The following ZNF521 variants were observed in gnomAD, a reference collection of about 807,000 sequenced individuals.
ZNF521 encodes the protein zinc finger protein 521, also known as LYST-interacting protein 3.
ZNF521 carries 14 observed loss-of-function variants against 105.5 expected under a neutral mutation model. The ratio of observed to expected loss-of-function variants is 0.13; its 90% CI spans 0.09 to 0.21. The LOEUF (loss-of-function observed/expected upper bound fraction) is 0.21. Among genes scored for constraint, ZNF521 ranks in the 10% least tolerant of loss-of-function variants. The pLI is 1.00. For missense variants in ZNF521, 1,233 were observed against 1,629.7 expected (o/e 0.76, Z 4.19); for synonymous variants, 635 against 606.0 (o/e 1.05, Z -0.70).
intron 3 of ZNF521, chr18:25,302,541 C>A (rs1411901737): frequency 2.0e-5 from 3 of 152,296 alleles, no homozygotes; most frequent in African/African-American, 7.2e-5. Flanking sequence ...GTTGGGTACA[C>A]AGAAGTTTCA....
intron 4 of ZNF521, among the ~76,000 whole-genome samples, chr18:25,205,248 G>C (rs2036061028): frequency 6.8e-6 from 1 of 146,252 alleles, no homozygotes; most frequent in Non-Finnish European, 1.5e-5. Context: ...ATACTATTTT[G>C]TTAGTTCCTA....
chr18:25,269,960 T>C (rs1461445997), intron 3 of ZNF521, among the ~76,000 whole-genome samples: 2 of 152,082 alleles, frequency 1.3e-5, no homozygotes, highest in African/African-American at 2.4e-5. Context: ...CTGAAGCAGA[T>C]GGAGACACAA....
intron 3 of ZNF521, among the ~76,000 whole-genome samples, chr18:25,251,334 G>C (rs916596544): frequency 4.6e-5 from 7 of 152,106 alleles, no homozygotes; most frequent in Admixed American, 3.9e-4. Context: ...ATACATTCCA[G>C]ATGAATAAAC....
intron 3 of ZNF521, among the ~76,000 whole-genome samples, chr18:25,306,182 T>C (rs1052013486): frequency 3.9e-5 from 6 of 152,226 alleles, no homozygotes; most frequent in African/African-American, 1.4e-4. Flanking sequence ...ATTTCTCCTT[T>C]AGAAGATTGG....
At chr18:25,295,544 G>A (rs1426659398) in intron 3 of ZNF521, among the ~76,000 whole-genome samples, 2 of 151,066 alleles carry the variant, frequency 1.3e-5, no homozygotes, top group Non-Finnish European at 2.9e-5. Flanking sequence ...TGATTATTAT[G>A]CATTGCATGC....
chr18:25,335,315 C>G (rs1383665245), intron 2 of ZNF521, among the ~76,000 whole-genome samples: 1 of 152,118 alleles, frequency 6.6e-6, no homozygotes, highest in Non-Finnish European at 1.5e-5. Context: ...ACCTGGAATA[C>G]GTAACTTAAG....
chr18:25,331,960 A>G (rs8090382), intron 2 of ZNF521, among the ~76,000 whole-genome samples: 127,904 of 148,914 alleles, frequency 0.86, 55,276 homozygotes, highest in African/African-American at 0.96. Context: ...GAAAGACAAG[A>G]ACAATTGGAT....
At chr18:25,251,124 G>A (rs2144848055) in intron 3 of ZNF521, among the ~76,000 whole-genome samples, 1 of 152,260 alleles carries the variant, frequency 6.6e-6, no homozygotes, top group African/African-American at 2.4e-5. Context: ...TTAATTCTCT[G>A]CTGCAGTTCT....
chr18:25,305,625 C>A (rs1208731264), intron 3 of ZNF521, among the ~76,000 whole-genome samples: 1 of 152,048 alleles, frequency 6.6e-6, no homozygotes, highest in Non-Finnish European at 1.5e-5. Context: ...TGCAATTAAA[C>A]TAATTTTCAT....
At chr18:25,078,426 C>G (rs992226784) in intron 7 of ZNF521, among the ~76,000 whole-genome samples, 1 of 152,154 alleles carries the variant, frequency 6.6e-6, no homozygotes, top group Non-Finnish European at 1.5e-5. Flanking sequence ...CCATTCTTGC[C>G]CTACTTTTCC....
chr18:25,340,982 G>A (rs927551127), intron 2 of ZNF521, among the ~76,000 whole-genome samples: 1 of 152,140 alleles, frequency 6.6e-6, no homozygotes, highest in South Asian at 2.1e-4. Flanking sequence ...TTATGTAAAT[G>A]ACCTATATGA....
At chr18:25,349,840 G>T (rs1180382599) in intron 2 of ZNF521, among the ~76,000 whole-genome samples, 2 of 150,266 alleles carry the variant, frequency 1.3e-5, no homozygotes, top group South Asian at 4.1e-4. Flanking sequence ...GGTCGCGGGG[G>T]CCGCGGCCGC....
intron 5 of ZNF521, among the ~76,000 whole-genome samples, chr18:25,132,349 G>A (rs1166863430): frequency 2.0e-5 from 3 of 152,046 alleles, no homozygotes; most frequent in Non-Finnish European, 2.9e-5. Flanking sequence ...TGCAATAAAT[G>A]GTAGGATGTT....
chr18:25,299,920 C>G (rs924260947), intron 3 of ZNF521, among the ~76,000 whole-genome samples: 3 of 152,214 alleles, frequency 2.0e-5, no homozygotes, highest in African/African-American at 7.2e-5. Context: ...ACGTGCTCCT[C>G]TGCAGTGTGA....
chr18:25,184,218 C>T (rs931114248), intron 5 of ZNF521, among the ~76,000 whole-genome samples: 20 of 152,088 alleles, frequency 1.3e-4, no homozygotes, highest in Admixed American at 5.2e-4. Flanking sequence ...ATTTTGTATA[C>T]ATTAAAATAT....
intron 5 of ZNF521, among the ~76,000 whole-genome samples, chr18:25,125,528 T>C (rs1038288120): frequency 2.6e-5 from 4 of 151,966 alleles, no homozygotes; most frequent in African/African-American, 9.7e-5. Context: ...TGTGTATATG[T>C]GTGTGTGTAT....
At chr18:25,076,141 CTG>C (rs1467362370) in intron 7 of ZNF521, among the ~76,000 whole-genome samples, 1 of 152,170 alleles carries the variant, frequency 6.6e-6, no homozygotes, top group African/African-American at 2.4e-5. Flanking sequence ...GGGCACAAAT[CTG>C]TGCTAAGATT....
At chr18:25,343,454 C>G (rs1393683878) in intron 2 of ZNF521, among the ~76,000 whole-genome samples, 1 of 152,114 alleles carries the variant, frequency 6.6e-6, no homozygotes, top group Non-Finnish European at 1.5e-5. Context: ...ATGTGTGTGT[C>G]ACAATATGTT....
intron 5 of ZNF521, among the ~76,000 whole-genome samples, chr18:25,095,095 G>C (rs976138883): frequency 9.2e-5 from 14 of 152,118 alleles, no homozygotes; most frequent in Admixed American, 3.3e-4. Flanking sequence ...TGGGTGGGGG[G>C]GATCTGGCTG....
Sources: gnomAD v4.1 joint callset for allele counts (sites outside exome capture counted in the v4.1 genomes callset) on GRCh38, gnomAD v4.1.1 for gene constraint, MANE v1.5 for transcripts, NCBI Gene and HGNC (gene_info 2026-07-23, HGNC 2026-07-21) for gene names.